The following ARPC5L variants were observed in gnomAD, a reference collection of about 807,000 sequenced individuals.
ARPC5L encodes actin-related protein 2/3 complex subunit 5-like protein.
A neutral mutation model predicts 16.9 loss-of-function variants in ARPC5L; 4 were observed. The ratio of observed to expected loss-of-function variants is 0.24; its 90% CI spans 0.12 to 0.54. ARPC5L has a LOEUF of 0.54. Ranked by LOEUF, ARPC5L falls within the 20% of genes least tolerant of loss-of-function variation. The probability of loss-of-function intolerance (pLI) is 0.95; values close to 1 mark genes in which losing one functional copy is unlikely to be tolerated. For missense variants in ARPC5L, 151 were observed against 201.9 expected (o/e 0.75, Z 1.53); for synonymous variants, 78 against 82.6 (o/e 0.94, Z 0.30).
chr9:124,862,741 A>T (rs1324487008), intron 1 of ARPC5L, among the ~76,000 whole-genome samples: 2 of 151,398 alleles, frequency 1.3e-5, no homozygotes, highest in Non-Finnish European at 2.9e-5. Flanking sequence ...GCCCAGGCTG[A>T]TCTTGAACTC....
At chr9:124,874,404 T>G (rs1257694212) in intron 4 of ARPC5L, among the ~76,000 whole-genome samples, 1 of 152,168 alleles carries the variant, frequency 6.6e-6, no homozygotes, top group Non-Finnish European at 1.5e-5. Context: ...TGGTGTCATC[T>G]AAAATAGTGA....
At chr9:124,875,276 C>A in intron 5 of ARPC5L, 125 bp downstream of exon 5, 3 of 1,094,458 alleles carry the variant, frequency 2.7e-6, no homozygotes, top group Middle Eastern at 3.1e-4. Context: ...GAGGACGAGC[C>A]CCAACCTGGG....
At chr9:124,873,506 G>T in intron 3 of ARPC5L, 186 bp from the exon 4 acceptor site, 1 of 636,076 alleles carries the variant, frequency 1.6e-6, no homozygotes. Context: ...TGCATGGTTG[G>T]CAGAGGTGCC....
chr9:124,876,799 C>T (rs551594328), intron 5 of ARPC5L, 79 bp from the exon 6 acceptor site: 3 of 1,126,188 alleles, frequency 2.7e-6, no homozygotes, highest in Admixed American at 4.2e-5. Flanking sequence ...CAGGGAATGT[C>T]CCCCCTGTCT....
Position 124,869,155 on chromosome 9 carries a change from GC to G in ARPC5L, c.-135del. 1 of 1,040,704 alleles carries G rather than the reference GC, an allele frequency of 9.6e-7. No homozygotes were observed. Among genetic ancestry groups the G allele is most frequent in the Non-Finnish European group, 1.2e-6 (1 of 804,208 alleles). The allele number at this position is 1,040,704 out of a possible 1,614,324, so 64.5% of individuals were successfully genotyped here. On this transcript the variant is annotated 5_prime_UTR_variant, in exon 3 of 6. Coordinates refer to ENST00000353214, the MANE Select transcript of ARPC5L (RefSeq NM_030978.3). ...GAAGTGGGCGGGCGGCGGCGGCTGC[GC>G]GCGGAGGCGGTGGAGGAGGTGCTGG... is the stretch of plus-strand genomic sequence containing the variant.
intron 5 of ARPC5L, among the ~76,000 whole-genome samples, chr9:124,875,937 C>T (rs1437106590): frequency 2.0e-5 from 3 of 152,130 alleles, no homozygotes; most frequent in South Asian, 2.1e-4. Flanking sequence ...GGTCTGCTGG[C>T]GGGTGTGCTG....
intron 2 of ARPC5L, among the ~76,000 whole-genome samples, chr9:124,867,602 T>A (rs530830649): frequency 6.6e-6 from 1 of 152,164 alleles, no homozygotes; most frequent in African/African-American, 2.4e-5. Context: ...CATTATTCCA[T>A]TTACTAGTTT....
rs971279127 is a variant in ARPC5L, at chr9:124,862,325, A to C, written c.-1057A>C. On this transcript the variant is annotated 5_prime_UTR_variant, in exon 1 of 6. Transcript: ENST00000353214. ...TCTGGGCAACTCTGAGCTGGGCGCCAGTAGTCTGGGGGTGCTGACGGGAGG... is the reference window on the plus strand; with the variant it reads ...TCTGGGCAACTCTGAGCTGGGCGCCCGTAGTCTGGGGGTGCTGACGGGAGG... The C allele has an allele frequency of 5.5e-6, 1 of 180,442 alleles. No individual in the cohort carries two copies. Among genetic ancestry groups the C allele is most frequent in the South Asian group, 1.7e-4 (1 of 6,038 alleles). The allele number at this position is 180,442 out of a possible 1,614,324, so 11.2% of individuals were successfully genotyped here. A position where few individuals can be genotyped will look rare whatever the true frequency, so the allele number is the denominator to read the frequency against.
chr9:124,872,607 A>AAG (rs1554765334), intron 3 of ARPC5L: 41 of 151,456 alleles, frequency 2.7e-4, no homozygotes, highest in South Asian at 2.7e-3. Flanking sequence ...AAAAAAAAAA[A>AAG]GGAGTTACAA....
rs980078916 is a variant in ARPC5L at position 124,869,145 on chromosome 9, CGGCGGCTGCGCGCGGA to C, written c.-140_-125del. On this transcript the variant is annotated 5_prime_UTR_variant, in exon 3 of 6. Transcript: ENST00000353214. ...GCGGGTGCCGGAAGTGGGCGGGCGG[CGGCGGCTGCGCGCGGA>C]GGCGGTGGAGGAGGTGCTGGGAGCA... 2.8e-5 allele frequency: 27 copies of C among 975,006 alleles called. No individual in the cohort carries two copies. Among genetic ancestry groups the C allele is most frequent in the Non-Finnish European group, 3.5e-5 (26 of 745,928 alleles). 60.4% of individuals were successfully genotyped at this position (975,006 alleles called of 1,614,324 possible).
intron 1 of ARPC5L, among the ~76,000 whole-genome samples, chr9:124,863,044 A>G (rs1829224904): frequency 6.6e-6 from 1 of 151,878 alleles, no homozygotes; most frequent in Non-Finnish European, 1.5e-5. Context: ...GCTGTTGCCC[A>G]GGGTGGTCTC....
chr9:124,863,346 A>G (rs541234239), intron 1 of ARPC5L, among the ~76,000 whole-genome samples: 34 of 151,984 alleles, frequency 2.2e-4, no homozygotes, highest in African/African-American at 8.0e-4. Context: ...AGTAGAGACA[A>G]GGTTTAGCCA....
intron 2 of ARPC5L, among the ~76,000 whole-genome samples, chr9:124,864,978 G>A (rs1305575298): frequency 6.6e-6 from 1 of 151,976 alleles, no homozygotes; most frequent in Non-Finnish European, 1.5e-5. Context: ...GATTACAGGT[G>A]CCGCCATGAT....
intron 3 of ARPC5L, among the ~76,000 whole-genome samples, chr9:124,870,266 A>T (rs1230216856): frequency 6.6e-6 from 1 of 152,244 alleles, no homozygotes; most frequent in South Asian, 2.1e-4. Flanking sequence ...CACAGAAAAC[A>T]GCATTTAGAA....
In ARPC5L at chr9:124,875,018, A is replaced by G; in HGVS notation, c.266A>G (p.Lys89Arg). ...GTGCTGAAAGTGCTCACAAACTTCA[A>G]GAGCAGTGAGATTGAGCAGGCTGTG... The part of the protein sequence containing the change: ...GVVLKVLTNF[K>R]SSEIEQAVQS... The change falls in exon 5 of 6, where the codon AAG becomes AGG. Residue 89 changes from lysine (K) to arginine (R), a missense_variant. Physicochemically the swap from Lys to Arg is conservative, Grantham distance 26. Coordinates refer to ENST00000353214, the MANE Select transcript of ARPC5L (RefSeq NM_030978.3). The G allele has an allele frequency of 2.5e-6, 4 of 1,614,036 alleles. No homozygotes were observed. Among genetic ancestry groups the G allele is most frequent in the Non-Finnish European group, 3.4e-6 (4 of 1,179,900 alleles).
At chr9:124,873,570 G>C in intron 3 of ARPC5L, 122 bp from the exon 4 acceptor site, 1 of 1,111,856 alleles carries the variant, frequency 9.0e-7, no homozygotes, top group Non-Finnish European at 1.4e-6. Context: ...GGAAGCCGTG[G>C]AAGGTGGGTG....
chr9:124,876,868 G>T lies in ARPC5L; in HGVS notation c.400-10G>T, dbSNP rs771378473. The T allele has an allele frequency of 1.9e-6, 3 of 1,609,040 alleles. No individual in the cohort carries two copies. The African/African-American group carries it at 4.0e-5, about 22-fold the overall frequency. Reference sequence around the variant, plus strand: ...CTCATCTGACACGTTTTCTTTTCCTGCCCCCACAGGCCTTAGCAGTAGGAG... The same window carrying T: ...CTCATCTGACACGTTTTCTTTTCCTTCCCCCACAGGCCTTAGCAGTAGGAG... On this transcript the variant is annotated splice_polypyrimidine_tract_variant and intron_variant, in intron 5 of 5. Transcript: ENST00000353214.
chr9:124,869,469 T>C, intron 3 of ARPC5L, 30 bp downstream of exon 3: 1 of 1,422,558 alleles, frequency 7.0e-7, no homozygotes, highest in East Asian at 3.1e-5. Context: ...CGTCCGGGCC[T>C]GCGCGCGGCC....
At chr9:124,876,505 G>A (rs982012819) in intron 5 of ARPC5L, among the ~76,000 whole-genome samples, 10 of 152,124 alleles carry the variant, frequency 6.6e-5, no homozygotes, top group African/African-American at 1.2e-4. Flanking sequence ...TAAATTAGCC[G>A]GGCCTGGTGG....
Sources: allele counts gnomAD v4.1 joint callset (sites outside exome capture counted in the v4.1 genomes callset), GRCh38; gene constraint gnomAD v4.1.1; transcripts MANE v1.5; gene names NCBI Gene and HGNC (gene_info 2026-07-23, HGNC 2026-07-21).